Variants in PALM2AKAP2 observed in about 807,000 individuals in gnomAD.
PALM2AKAP2 encodes the protein PALM2 and AKAP2 fusion, also known as PALM2-AKAP2 fusion protein.
Under a neutral mutation model 71.5 loss-of-function variants are expected in PALM2AKAP2, and 37 were observed. The ratio of observed to expected loss-of-function variants is 0.52; its 90% CI spans 0.40 to 0.68. The LOEUF is 0.68. Among genes scored for constraint, PALM2AKAP2 ranks in the 30% least tolerant of loss-of-function variants. PALM2AKAP2 has a pLI of 0.00. For missense variants in PALM2AKAP2, 1,224 were observed against 1,191.8 expected (o/e 1.03, Z -0.40); for synonymous variants, 468 against 478.8 (o/e 0.98, Z 0.29).
chr9:109,667,826 T>C (rs1272625377), intron 1 of PALM2AKAP2, among the ~76,000 whole-genome samples: 1 of 151,062 alleles, frequency 6.6e-6, no homozygotes, highest in African/African-American at 2.4e-5. Flanking sequence ...AAGGTAAATA[T>C]AACCAGAAGC....
chr9:109,652,077 A>T (rs1260748982), intron 1 of PALM2AKAP2, among the ~76,000 whole-genome samples: 1 of 152,256 alleles, frequency 6.6e-6, no homozygotes, highest in Non-Finnish European at 1.5e-5. Context: ...TCTTTTTCAC[A>T]GATAGTACAA....
At chr9:110,005,134 G>A (rs562021832) in intron 6 of PALM2AKAP2, among the ~76,000 whole-genome samples, 101 of 152,176 alleles carry the variant, frequency 6.6e-4, no homozygotes, top group Non-Finnish European at 1.1e-3. Context: ...CTTCTGCTCT[G>A]TTTTTTCCCC....
intron 6 of PALM2AKAP2, among the ~76,000 whole-genome samples, chr9:109,949,143 C>A (rs544419682): frequency 2.6e-5 from 4 of 152,244 alleles, no homozygotes; most frequent in African/African-American, 9.6e-5. Flanking sequence ...CGTCTACCAA[C>A]CAAACACGTA....
intron 2 of PALM2AKAP2, among the ~76,000 whole-genome samples, chr9:110,150,254 G>A (rs1836276812): frequency 6.6e-6 from 1 of 152,246 alleles, no homozygotes; most frequent in Non-Finnish European, 1.5e-5. Context: ...CTAAAGTTGT[G>A]AGAAAATAAG....
chr9:110,052,287 G>A (rs1833726263), intron 1 of PALM2AKAP2, among the ~76,000 whole-genome samples: 1 of 152,186 alleles, frequency 6.6e-6, no homozygotes. Flanking sequence ...TTCAACTTCA[G>A]TTTCTCTCAT....
chr9:110,077,928 C>T (rs569307969), intron 1 of PALM2AKAP2, among the ~76,000 whole-genome samples: 6 of 151,620 alleles, frequency 4.0e-5, no homozygotes, highest in Admixed American at 6.6e-5. Flanking sequence ...ACAGGAGAAT[C>T]GCTTGAACCC....
intron 1 of PALM2AKAP2, among the ~76,000 whole-genome samples, chr9:110,115,256 C>T (rs547233220): frequency 4.2e-4 from 64 of 152,184 alleles, no homozygotes; most frequent in Non-Finnish European, 8.5e-4. Flanking sequence ...ATGTGGTCCC[C>T]CTGGTTCTGG....
intron 3 of PALM2AKAP2, among the ~76,000 whole-genome samples, chr9:109,908,609 A>T (rs1434411869): frequency 6.6e-6 from 1 of 152,256 alleles, no homozygotes; most frequent in African/African-American, 2.4e-5. Flanking sequence ...TGCTCAGTAA[A>T]TGTGAACTAT....
intron 1 of PALM2AKAP2, among the ~76,000 whole-genome samples, chr9:109,715,402 G>A (rs1828301939): frequency 6.6e-6 from 1 of 152,140 alleles, no homozygotes. Context: ...ACTTCTCCCT[G>A]CCCAGGGACA....
chr9:109,995,006 A>G (rs375766836), intron 6 of PALM2AKAP2, among the ~76,000 whole-genome samples: 2 of 152,232 alleles, frequency 1.3e-5, no homozygotes, highest in East Asian at 1.9e-4. Context: ...GCTGCCATGT[A>G]TAACACTGGG....
At chr9:109,749,106 T>C (rs1203211053) in intron 1 of PALM2AKAP2, among the ~76,000 whole-genome samples, 1 of 152,108 alleles carries the variant, frequency 6.6e-6, no homozygotes, top group Non-Finnish European at 1.5e-5. Context: ...TAGGGGGTTC[T>C]AAGACAACTG....
rs538608347 is a variant in PALM2AKAP2, at chr9:109,702,509, A to G, written c.5+61643A>G. ...TTGCAAGGACAAAAAACCAAACACC[A>G]CATGTTCTCACTCATAGGTGGGAAT... On this transcript the variant is annotated intron_variant, in intron 1 of 6. Coordinates refer to the PALM2AKAP2 transcript ENST00000374531. Among the ~76,000 whole-genome samples, 128 of 150,550 alleles carry G rather than the reference A, an allele frequency of 8.5e-4. 1 individual carries two copies. Among genetic ancestry groups the G allele is most frequent in the Non-Finnish European group, 1.4e-3 (94 of 67,732 alleles).
intron 2 of PALM2AKAP2, among the ~76,000 whole-genome samples, chr9:110,152,666 A>G (rs981061336): frequency 2.6e-4 from 39 of 152,206 alleles, no homozygotes; most frequent in African/African-American, 7.7e-4. Flanking sequence ...TTGGGGGAAG[A>G]GCATCCGGAG....
intron 1 of PALM2AKAP2, among the ~76,000 whole-genome samples, chr9:109,692,139 T>C (rs957289038): frequency 4.0e-5 from 6 of 151,236 alleles, no homozygotes; most frequent in African/African-American, 9.7e-5. Flanking sequence ...CTGTAAAGTA[T>C]GTAAGTCAAT....
At chr9:109,725,366 G>A (rs752502578) in intron 1 of PALM2AKAP2, among the ~76,000 whole-genome samples, 5 of 152,116 alleles carry the variant, frequency 3.3e-5, no homozygotes, top group Non-Finnish European at 5.9e-5. Context: ...TTTATAGCAC[G>A]TTAAATTTTG....
At chr9:110,057,290 T>C (rs1171881880) in intron 1 of PALM2AKAP2, among the ~76,000 whole-genome samples, 1 of 152,112 alleles carries the variant, frequency 6.6e-6, no homozygotes, top group Non-Finnish European at 1.5e-5. Context: ...ACTGAGACAT[T>C]TGGAAGTCAC....
chr9:110,171,282 G>A lies in PALM2AKAP2; in HGVS notation c.*2785G>A, dbSNP rs144699402. The A allele has an allele frequency of 3.7e-4, 56 of 152,326 alleles. 2 individuals are homozygous for A. Among genetic ancestry groups the A allele is most frequent in the African/African-American group, 1.2e-3 (51 of 41,566 alleles). 9.4% of individuals were successfully genotyped at this position (152,326 alleles called of 1,614,324 possible). A position where few individuals can be genotyped will look rare whatever the true frequency, so the allele number is the denominator to read the frequency against. ...CACTTATTGCTTAAAGAATAACAGA[G>A]TTCTAGAGCTGGGGGTTCTTGGGCC... is the stretch of plus-strand genomic sequence containing the variant. On this transcript the variant is annotated 3_prime_UTR_variant, in exon 4 of 4. Coordinates refer to ENST00000374525, the Ensembl canonical transcript of PALM2AKAP2.
intron 3 of PALM2AKAP2, among the ~76,000 whole-genome samples, chr9:110,161,279 T>A (rs1836587543): frequency 6.6e-6 from 1 of 152,152 alleles, no homozygotes; most frequent in South Asian, 2.1e-4. Flanking sequence ...TGGCTATCAA[T>A]GCCCCAAACC....
chr9:110,017,379 T>G (rs66737688), intron 7 of PALM2AKAP2, among the ~76,000 whole-genome samples: 11,684 of 152,304 alleles, frequency 0.077, 556 homozygotes, highest in Middle Eastern at 0.12. Context: ...CTAATCTAAG[T>G]GGTAACTATC....
Sources: gnomAD v4.1 joint callset for allele counts (sites outside exome capture counted in the v4.1 genomes callset) on GRCh38, gnomAD v4.1.1 for gene constraint, MANE v1.5 for transcripts, NCBI Gene and HGNC (gene_info 2026-07-23, HGNC 2026-07-21) for gene names.